FRYL: variants seen among roughly 807,000 people sequenced by gnomAD.
FRYL encodes protein furry homolog-like.
Under a neutral mutation model 351.2 loss-of-function variants are expected in FRYL, and 150 were observed. The observed-to-expected ratio is 0.43, with a 90% CI of 0.37 to 0.49. FRYL has a LOEUF of 0.49. FRYL is among the 20% of genes least tolerant of loss of function. FRYL has a pLI of 0.00. For missense variants in FRYL, 3,036 were observed against 3,619.3 expected (o/e 0.84, Z 4.13); for synonymous variants, 1,153 against 1,257.1 (o/e 0.92, Z 1.75).
intron 3 of FRYL, among the ~76,000 whole-genome samples, chr4:48,650,811 A>T (rs1051626024): frequency 6.6e-6 from 1 of 152,192 alleles, no homozygotes; most frequent in Non-Finnish European, 1.5e-5. Context: ...AAGCTGTGGC[A>T]ATATTCCAGG....
At chr4:48,550,893 G>A (rs1415708336) in intron 37 of FRYL, among the ~76,000 whole-genome samples, 189 bp from the exon 38 acceptor site, 2 of 152,162 alleles carry the variant, frequency 1.3e-5, no homozygotes, top group Non-Finnish European at 2.9e-5. Flanking sequence ...CCAACATGGT[G>A]AAACCCCGTG....
intron 2 of FRYL, among the ~76,000 whole-genome samples, chr4:48,704,414 T>C (rs1767083399): frequency 6.6e-6 from 1 of 152,098 alleles, no homozygotes; most frequent in Non-Finnish European, 1.5e-5. Context: ...CAAGGTTATG[T>C]ATGAAAAAAA....
intron 48 of FRYL, 61 bp downstream of exon 48, chr4:48,535,586 TACACACACAC>T (rs3838234): frequency 4.6e-5 from 21 of 458,298 alleles, no homozygotes; most frequent in African/African-American, 3.4e-4. Context: ...TATATACACA[TACACACACAC>T]ACACACACAC....
Position 48,651,289 on chromosome 4 carries a change from C to G in FRYL, c.-80-16799G>C, listed in dbSNP as rs1421188374. 2.7e-4 allele frequency among the ~76,000 whole-genome samples: 17 copies of G among 62,408 alleles called. No homozygotes were observed. In the South Asian group the frequency reaches 3.2e-3, roughly 12 times the overall value. 40.9% of individuals were successfully genotyped at this position (62,408 alleles called of 152,430 possible). On this transcript the variant is annotated intron_variant, in intron 3 of 63. Transcript: ENST00000358350. ...GTAGAAACAGGATCTCAGGATCTCA[C>G]TGTGTGTGTGTGTGTGTGTGTGTGT...
rs1410381756 is a variant in FRYL, at chr4:48,710,545, G to A, written c.-230C>T. On this transcript the variant is annotated 5_prime_UTR_variant, in exon 2 of 64. Transcript: ENST00000358350. ...ACTTAGAAATGGTTGTTGAGGCACA[G>A]AGTTTGTAGAAAAGACACCAAGTTT... is the stretch of plus-strand genomic sequence containing the variant. The A allele has an allele frequency of 5.0e-6, 2 of 398,486 alleles. No individual in the cohort carries two copies. The highest frequency in any genetic ancestry group is 8.8e-6 in the Non-Finnish European group (2 of 226,074). 24.7% of individuals were successfully genotyped at this position (398,486 alleles called of 1,614,324 possible). A position where few individuals can be genotyped will look rare whatever the true frequency, so the allele number is the denominator to read the frequency against.
rs771120002 is a variant in FRYL, at chr4:48,573,261, C to T, written c.2847-18G>A. ...TTAGTTCCCTGGAAGAAAAATGGTA[C>T]ATATTCTATTAATAGCTACACAGAT... On this transcript the variant is annotated intron_variant, in intron 25 of 63. Coordinates refer to ENST00000358350, the MANE Select transcript of FRYL (RefSeq NM_015030.2). 1.3e-6 allele frequency: 2 copies of T among 1,526,972 alleles called. No homozygotes were observed. The highest frequency in any genetic ancestry group is 1.4e-5 in the African/African-American group (1 of 73,256). The allele number at this position is 1,526,972 out of a possible 1,614,324, so 94.6% of individuals were successfully genotyped here.
chr4:48,513,332 T>C (rs1320261141), intron 56 of FRYL, among the ~76,000 whole-genome samples: 1 of 152,188 alleles, frequency 6.6e-6, no homozygotes, highest in Non-Finnish European at 1.5e-5. Context: ...AAGCATATAC[T>C]ATGTTCCTAG....
rs749971989 is a variant in FRYL, at chr4:48,561,558, G to A, written c.3775C>T (p.Pro1259Ser). ...GAAACAGAATAGAGATGTGGTAGAG[G>A]AGACAGCTGGCTGAGTACTCCATCT... ...RTDGVLSQLS[P>S]LPHLYSVSYY... Residue 1259 changes from proline to serine, a missense_variant, in exon 33 of 64, where the codon CCT (proline) becomes TCT (serine). Physicochemically the swap from Pro to Ser is moderately conservative, Grantham distance 74 (BLOSUM62 -1). Coordinates refer to ENST00000358350, the MANE Select transcript of FRYL (RefSeq NM_015030.2). 5.0e-6 allele frequency: 8 copies of A among 1,612,586 alleles called. No homozygotes were observed. Among genetic ancestry groups the A allele is most frequent in the Non-Finnish European group, 6.8e-6 (8 of 1,178,938 alleles).
chr4:48,740,952 G>T (rs919460965), intron 1 of FRYL, among the ~76,000 whole-genome samples: 1 of 151,738 alleles, frequency 6.6e-6, no homozygotes, highest in African/African-American at 2.4e-5. Context: ...CCTACATATG[G>T]ATACTTATAG....
intron 3 of FRYL, chr4:48,681,252 G>A (rs1764564298): frequency 6.8e-6 from 2 of 293,856 alleles, no homozygotes; most frequent in Non-Finnish European, 1.2e-5. Flanking sequence ...GAATTTAGGC[G>A]GTGCTAAACC....
At chr4:48,646,450 T>C (rs79728130) in intron 3 of FRYL, among the ~76,000 whole-genome samples, 3,976 of 152,270 alleles carry the variant, frequency 0.026, 65 homozygotes, top group Admixed American at 0.046. Flanking sequence ...AACCAACTAA[T>C]AGATCTAAAA....
At chr4:48,597,198 T>A (rs1744763400) in intron 13 of FRYL, among the ~76,000 whole-genome samples, 1 of 152,178 alleles carries the variant, frequency 6.6e-6, no homozygotes, top group Non-Finnish European at 1.5e-5. Flanking sequence ...TTCTTTTCTA[T>A]CATTTAAATA....
chr4:48,716,861 T>G (rs536781591), intron 1 of FRYL, among the ~76,000 whole-genome samples: 2 of 151,310 alleles, frequency 1.3e-5, no homozygotes, highest in African/African-American at 4.8e-5. Flanking sequence ...AGCAAAGACT[T>G]GGAACCAACC....
chr4:48,631,578 T>C (rs930834553), intron 4 of FRYL, among the ~76,000 whole-genome samples: 2 of 151,900 alleles, frequency 1.3e-5, no homozygotes, highest in African/African-American at 4.8e-5. Flanking sequence ...GTGCCACAGA[T>C]ACAGAGATGA....
intron 16 of FRYL, 54 bp from the exon 17 acceptor site, chr4:48,590,884 T>C: frequency 2.9e-6 from 4 of 1,377,042 alleles, no homozygotes; most frequent in Non-Finnish European, 4.0e-6. Context: ...ATTACCTTTT[T>C]TGCATGTTAG....
At chr4:48,519,940 G>C (rs571014349) in intron 55 of FRYL, among the ~76,000 whole-genome samples, 21 of 152,246 alleles carry the variant, frequency 1.4e-4, no homozygotes, top group South Asian at 6.2e-4. Context: ...CACCATGTTG[G>C]CCAGATGGTC....
Position 48,564,081 on chromosome 4 carries a change from C to T in FRYL, c.3463G>A (p.Ala1155Thr). The T allele has an allele frequency of 6.2e-7, 1 of 1,614,072 alleles. No individual in the cohort carries two copies. The highest frequency in any genetic ancestry group is 1.1e-5 in the South Asian group (1 of 91,052). Residue 1155 changes from alanine to threonine, a missense_variant, in exon 31 of 64, where the codon GCA (alanine) becomes ACA (threonine). Around this residue, in one of 7 missense-constraint regions of FRYL, gnomAD observed 1,987 missense variants for 2,311.7 expected, o/e 0.86. Coordinates refer to ENST00000358350, the MANE Select transcript of FRYL (RefSeq NM_015030.2). Reference protein sequence around the residue: ...DKKVHQLGCEAVTLLLELNPD... With the variant: ...DKKVHQLGCETVTLLLELNPD... ...TTCAGCTCCAGTAACAACGTAACTG[C>T]TTCACAGCCCAGCTGGTGAACCTAG...
chr4:48,710,843 G>C (rs1261659959), intron 1 of FRYL, 145 bp from the exon 2 acceptor site: 4 of 370,548 alleles, frequency 1.1e-5, no homozygotes, highest in East Asian at 7.8e-5. Context: ...TCCACACCCA[G>C]GTATATACTC....
intron 1 of FRYL, among the ~76,000 whole-genome samples, chr4:48,736,850 G>GAAAAAAAAAAAAAAAAAAAAAAAA (rs368006420): frequency 2.5e-5 from 1 of 40,614 alleles, no homozygotes; most frequent in African/African-American, 9.8e-5. Flanking sequence ...ACTCTGTCTC[G>GAAAAAAAAAAAAAAAAAAAAAAAA]AAAAAAAAAA....
Sources: allele counts gnomAD v4.1 joint callset (sites outside exome capture counted in the v4.1 genomes callset), GRCh38; gene constraint gnomAD v4.1.1; regional missense constraint gnomAD v4.1.1; transcripts MANE v1.5; gene names NCBI Gene and HGNC (gene_info 2026-07-23, HGNC 2026-07-21).